MORC1: variants seen among roughly 807,000 people sequenced by gnomAD.
The protein encoded by MORC1 is MORC family CW-type zinc finger protein 1.
A neutral mutation model predicts 134.9 loss-of-function variants in MORC1; 59 were observed. The observed-to-expected ratio is 0.44, with a 90% CI of 0.35 to 0.54. The LOEUF is 0.54. Among genes scored for constraint, MORC1 ranks in the 20% least tolerant of loss-of-function variants. The pLI is 0.00. For synonymous variants in MORC1, 395 were observed against 391.7 expected (o/e 1.01, Z -0.10); for missense variants, 947 against 1,134.5 (o/e 0.83, Z 2.37).
At chr3:109,081,877 G>GC (rs1225539214) in intron 8 of MORC1, among the ~76,000 whole-genome samples, 1 of 152,154 alleles carries the variant, frequency 6.6e-6, no homozygotes, top group Non-Finnish European at 1.5e-5. Context: ...TGAACAACCA[G>GC]CTTCCCCACT....
intron 17 of MORC1, among the ~76,000 whole-genome samples, chr3:109,008,073 C>T (rs1370656213): frequency 6.6e-6 from 1 of 151,936 alleles, no homozygotes; most frequent in African/African-American, 2.4e-5. Context: ...AAGGATATAT[C>T]CTAGAGGTTT....
chr3:109,079,597 AAAAC>A (rs1950488177), intron 8 of MORC1, among the ~76,000 whole-genome samples: 1 of 152,140 alleles, frequency 6.6e-6, no homozygotes, highest in Admixed American at 6.5e-5. Flanking sequence ...CATTAAGACA[AAAAC>A]AAAGCAAAGA....
At chr3:109,083,162 A>G (rs1392381002) in intron 8 of MORC1, among the ~76,000 whole-genome samples, 10 of 152,210 alleles carry the variant, frequency 6.6e-5, no homozygotes, top group Admixed American at 6.5e-4. Flanking sequence ...CTGCTATTCA[A>G]GAACACTGCA....
rs538800539 is a variant in MORC1 at position 109,044,213 on chromosome 3, T to C, written c.1331-8745A>G. Reference sequence around the variant, plus strand: ...GCTATGTATGGAATACTTTATTCAGTAGATTCCTAATATTTAAATTAATCT... The same window carrying C: ...GCTATGTATGGAATACTTTATTCAGCAGATTCCTAATATTTAAATTAATCT... On this transcript the variant is annotated intron_variant, in intron 14 of 27. Transcript: ENST00000232603. 5.7e-4 allele frequency among the ~76,000 whole-genome samples: 87 copies of C among 152,224 alleles called. 2 individuals are homozygous for C. Among genetic ancestry groups the C allele is most frequent in the African/African-American group, 1.9e-3 (77 of 41,554 alleles).
intron 2 of MORC1, 35 bp from the exon 3 acceptor site, chr3:109,110,818 T>C (rs1171818507): frequency 2.0e-6 from 3 of 1,493,560 alleles, no homozygotes; most frequent in East Asian, 2.3e-5. Context: ...TTCTTCAATA[T>C]GAAATGAATT....
intron 9 of MORC1, among the ~76,000 whole-genome samples, chr3:109,069,402 C>T (rs1456657057): frequency 6.6e-6 from 1 of 152,122 alleles, no homozygotes; most frequent in East Asian, 1.9e-4. Flanking sequence ...AATTTCTACT[C>T]GGGGTGATGA....
At position 109,112,726 on chromosome 3, in the gene MORC1, C is replaced by T. The variant is rs1391587605; in HGVS notation, c.119+1658G>A. Among the ~76,000 whole-genome samples, 4 of 152,348 alleles carry T rather than the reference C, an allele frequency of 2.6e-5. No individual in the cohort carries two copies. The South Asian group carries it at 8.3e-4, about 32-fold the overall frequency. ...AGGGCCCAAATTTTTTATTTGGTAT[C>T]TCCAATATCTTAAACCTTATAAACA... On this transcript the variant is annotated intron_variant, in intron 2 of 27. Coordinates refer to ENST00000232603, the MANE Select transcript of MORC1 (RefSeq NM_014429.4).
intron 17 of MORC1, among the ~76,000 whole-genome samples, chr3:109,021,353 A>T (rs957517124): frequency 2.0e-5 from 3 of 152,202 alleles, no homozygotes; most frequent in African/African-American, 7.2e-5. Flanking sequence ...ATTTCAGGCA[A>T]CACATCTGAA....
chr3:108,980,375 C>T (rs1947680741), intron 23 of MORC1, among the ~76,000 whole-genome samples: 1 of 152,084 alleles, frequency 6.6e-6, no homozygotes, highest in African/African-American at 2.4e-5. Flanking sequence ...TTTCAGCCAC[C>T]TTTACAACCT....
intron 17 of MORC1, among the ~76,000 whole-genome samples, chr3:109,017,439 T>C (rs1185092562): frequency 1.3e-5 from 2 of 152,164 alleles, no homozygotes; most frequent in African/African-American, 4.8e-5. Flanking sequence ...ATGTTAAGTG[T>C]ACTAAATGAA....
chr3:108,996,159 T>C (rs1281636933), intron 21 of MORC1, among the ~76,000 whole-genome samples: 1 of 152,118 alleles, frequency 6.6e-6, no homozygotes, highest in African/African-American at 2.4e-5. Flanking sequence ...TCTCAGGTTA[T>C]GAAGAGGTGA....
At chr3:109,027,554 C>T (rs1244115613) in intron 17 of MORC1, among the ~76,000 whole-genome samples, 197 bp downstream of exon 17, 2 of 141,906 alleles carry the variant, frequency 1.4e-5, no homozygotes, top group Non-Finnish European at 3.1e-5. Context: ...TTAGATATCA[C>T]ATATACAGTA....
chr3:109,060,661 A>G (rs762792623), intron 11 of MORC1, among the ~76,000 whole-genome samples: 2 of 152,132 alleles, frequency 1.3e-5, no homozygotes, highest in African/African-American at 2.4e-5. Flanking sequence ...TCATCTTCCC[A>G]TAAGAATTTA....
At chr3:108,974,920 G>C (rs898070705) in intron 24 of MORC1, among the ~76,000 whole-genome samples, 11 of 152,192 alleles carry the variant, frequency 7.2e-5, no homozygotes, top group Admixed American at 3.9e-4. Context: ...TTTTTAGAGA[G>C]TTTAGTTAAG....
intron 11 of MORC1, among the ~76,000 whole-genome samples, chr3:109,060,325 C>T (rs547570337): frequency 6.6e-6 from 1 of 151,684 alleles, no homozygotes; most frequent in Non-Finnish European, 1.5e-5. Context: ...TCCTTCATAT[C>T]GAATTCTGGA....
intron 27 of MORC1, among the ~76,000 whole-genome samples, chr3:108,960,951 T>C (rs923823110): frequency 6.6e-6 from 1 of 152,240 alleles, no homozygotes; most frequent in African/African-American, 2.4e-5. Context: ...CATAAGTGTC[T>C]TGACCTTGAT....
At chr3:109,046,250 G>C (rs948047309) in intron 14 of MORC1, among the ~76,000 whole-genome samples, 5 of 152,206 alleles carry the variant, frequency 3.3e-5, no homozygotes, top group Non-Finnish European at 7.3e-5. Flanking sequence ...TGTGCGTGGA[G>C]ACTAGAAGGG....
intron 14 of MORC1, among the ~76,000 whole-genome samples, chr3:109,040,395 A>AGAAGG (rs1417010352): frequency 3.5e-4 from 18 of 51,238 alleles, no homozygotes; most frequent in South Asian, 9.0e-4. Flanking sequence ...AGAAAGAAAG[A>AGAAGG]AAGAAAGAGA....
chr3:109,004,823 A>C lies in MORC1; in HGVS notation c.2079T>G (p.Asn693Lys). 1 of 1,613,532 alleles carries C rather than the reference A, an allele frequency of 6.2e-7. No individual in the cohort carries two copies. The change falls in exon 20 of 28, where the codon AAT becomes AAG. Residue 693 changes from asparagine to lysine, a missense_variant. Asn to Lys is a moderately conservative substitution (Grantham distance 94). Transcript: ENST00000232603. ...TTTAAAAGCCTTTTCCCACCTGGGC[A>C]TTCTTCAGGCACCCTTCAGTTGGTT... ...RAQPTEGCLK[N>K]AQAASWEMKR...
Sources: allele counts gnomAD v4.1 joint callset (sites outside exome capture counted in the v4.1 genomes callset), GRCh38; gene constraint gnomAD v4.1.1; transcripts MANE v1.5; gene names NCBI Gene and HGNC (gene_info 2026-07-23, HGNC 2026-07-21).